Variants in MOCOS observed in about 807,000 individuals in gnomAD.
MOCOS encodes the protein human molybdenum cofactor sulfurase.
Under a neutral mutation model 83.6 loss-of-function variants are expected in MOCOS, and 86 were observed. The observed-to-expected ratio is 1.03, with a 90% CI of 0.86 to 1.23. The LOEUF (loss-of-function observed/expected upper bound fraction) is 1.23. Among genes scored for constraint, MOCOS ranks in the 50% most tolerant of loss-of-function variants. The pLI is 0.00. For missense variants in MOCOS, 1,120 were observed against 1,126.9 expected, an observed-to-expected ratio of 0.99 and a Z score of 0.09; for synonymous variants, 445 against 434.7, an observed-to-expected ratio of 1.02 and a Z score of -0.29.
chr18:36,243,086 G>T (rs767902292), intron 9 of MOCOS, among the ~76,000 whole-genome samples: 2 of 152,170 alleles, frequency 1.3e-5, no homozygotes, highest in Non-Finnish European at 2.9e-5. Context: ...GTCACTGTTG[G>T]TGTGTAGCAG....
intron 12 of MOCOS, 132 bp from the exon 13 acceptor site, chr18:36,259,905 T>A (rs1360764678): frequency 7.7e-7 from 1 of 1,298,974 alleles, no homozygotes; most frequent in African/African-American, 1.5e-5. Flanking sequence ...AAGTCTGTTT[T>A]GATTATCCAG....
At chr18:36,217,313 T>A (rs1009209406) in intron 8 of MOCOS, among the ~76,000 whole-genome samples, 1 of 152,228 alleles carries the variant, frequency 6.6e-6, no homozygotes, top group Non-Finnish European at 1.5e-5. Flanking sequence ...GTGAAACGTT[T>A]ATGGGAGCTC....
At chr18:36,194,868 G>A (rs2091381140) in intron 1 of MOCOS, among the ~76,000 whole-genome samples, 1 of 152,266 alleles carries the variant, frequency 6.6e-6, no homozygotes, top group Admixed American at 6.5e-5. Flanking sequence ...GTGCAGAGCA[G>A]TGTGGGAAAG....
In MOCOS at chr18:36,215,741, C is replaced by A; in HGVS notation, c.1561C>A (p.Pro521Thr). The A allele has an allele frequency of 6.2e-7, 1 of 1,614,212 alleles. No homozygotes were observed. The highest frequency in any genetic ancestry group is 8.5e-7 in the Non-Finnish European group (1 of 1,180,050). ...AGCAGACAGCCAGGCTGATGTTATA[C>A]CTGCTGTCATGGGCAGACGTAGCCT... is the stretch of plus-strand genomic sequence containing the variant. ...PSADSQADVIPAVMGRRSLSP... is the reference protein window; with the variant it reads ...PSADSQADVITAVMGRRSLSP... The change falls in exon 8 of 15, where the codon CCT becomes ACT. Residue 521 changes from proline to threonine, a missense_variant. Transcript: ENST00000261326.
At chr18:36,188,354 G>A (rs1489170355) in intron 1 of MOCOS, among the ~76,000 whole-genome samples, 1 of 152,246 alleles carries the variant, frequency 6.6e-6, no homozygotes, top group African/African-American at 2.4e-5. Flanking sequence ...CTGTGAATTA[G>A]ACAACACCAA....
At chr18:36,251,448 C>T (rs943789067) in intron 11 of MOCOS, among the ~76,000 whole-genome samples, 165 bp downstream of exon 11, 2 of 152,122 alleles carry the variant, frequency 1.3e-5, no homozygotes, top group African/African-American at 4.8e-5. Context: ...GGTCAGCAGG[C>T]GAAATGGGCT....
intron 9 of MOCOS, among the ~76,000 whole-genome samples, chr18:36,246,525 G>T (rs1175499803): frequency 6.6e-6 from 1 of 152,226 alleles, no homozygotes; most frequent in African/African-American, 2.4e-5. Flanking sequence ...TCTAGTGAAG[G>T]TGGCGGGGAG....
chr18:36,237,260 G>A (rs1186270771), intron 9 of MOCOS, among the ~76,000 whole-genome samples: 7 of 148,920 alleles, frequency 4.7e-5, no homozygotes, highest in African/African-American at 7.5e-5. Flanking sequence ...TATGATATTG[G>A]CTGTGGGTTT....
At position 36,195,182 on chromosome 18, in the gene MOCOS, T is replaced by C. The variant is rs2091382217; in HGVS notation, c.143-75T>C. ...TGGCCTGATGTTACGTCTGCATGCA[T>C]TAGATGACATTGGTTGGGCTTACAC... On this transcript the variant is annotated intron_variant, in intron 1 of 14. Coordinates refer to ENST00000261326, the MANE Select transcript of MOCOS (RefSeq NM_017947.4). 3.3e-6 allele frequency: 4 copies of C among 1,218,370 alleles called. No individual in the cohort carries two copies. In the South Asian group the frequency reaches 4.8e-5, roughly 15 times the overall value. The allele number at this position is 1,218,370 out of a possible 1,614,324, so 75.5% of individuals were successfully genotyped here.
At chr18:36,234,019 T>C (rs2091548621) in intron 9 of MOCOS, among the ~76,000 whole-genome samples, 1 of 152,208 alleles carries the variant, frequency 6.6e-6, no homozygotes, top group Admixed American at 6.6e-5. Flanking sequence ...TCTTTTGCTG[T>C]GCAGAAGCTT....
Position 36,248,974 on chromosome 18 carries a change from T to G in MOCOS, c.2013T>G (p.Ile671Met). ...PLEENSERTQ[I>M]RQSRVCADRV... ...AGGAAAATAGTGAACGGACTCAGAT[T>G]CGCCAAAGCAGGGTCTGTGCTGACA... The change falls in exon 10 of 15, where the codon ATT becomes ATG. Residue 671 changes from isoleucine (I) to methionine (M), a missense_variant. Physicochemically the swap from Ile to Met is conservative, Grantham distance 10. Coordinates refer to ENST00000261326, the MANE Select transcript of MOCOS (RefSeq NM_017947.4). The G allele has an allele frequency of 6.2e-7, 1 of 1,614,174 alleles. No individual in the cohort carries two copies. Among genetic ancestry groups the G allele is most frequent in the South Asian group, 1.1e-5 (1 of 91,072 alleles).
chr18:36,191,704 GA>G (rs1478899244), intron 1 of MOCOS, among the ~76,000 whole-genome samples: 3 of 152,054 alleles, frequency 2.0e-5, no homozygotes, highest in Admixed American at 2.0e-4. Context: ...AAAATCCTGG[GA>G]TTATAGATAT....
At chr18:36,266,880 C>T in intron 14 of MOCOS, 27 bp downstream of exon 14, 1 of 1,563,812 alleles carries the variant, frequency 6.4e-7, no homozygotes, top group East Asian at 2.2e-5. Context: ...AATATGACAC[C>T]TGGTTTCCAA....
intron 9 of MOCOS, among the ~76,000 whole-genome samples, chr18:36,244,174 A>T (rs2091594537): frequency 2.1e-5 from 3 of 145,618 alleles, no homozygotes; most frequent in Admixed American, 6.8e-5. Flanking sequence ...TTTGGGTTTG[A>T]TTTTTTCTTT....
Position 36,200,312 on chromosome 18 carries a change from C to T in MOCOS, c.929C>T (p.Ser310Leu), listed in dbSNP as rs77940522. The stretch of plus-strand genomic sequence containing the variant: ...GAAGACTTCTACATCCCGAGGCAGT[C>T]GGTAGCTCAGAGGTAACCTTGCCAC... ...AGEDFYIPRQ[S>L]VAQRFEDGTI... is the part of the protein sequence containing the mutation. The change falls in exon 4 of 15, where the codon TCG (serine) becomes TTG (leucine). Residue 310 changes from serine (S) to leucine (L), a missense_variant. Transcript: ENST00000261326. The T allele has an allele frequency of 4.4e-5, 71 of 1,613,942 alleles. No homozygotes were observed. The East Asian group carries it at 1.2e-3, about 27-fold the overall frequency.
chr18:36,231,008 T>G (rs976386687), intron 9 of MOCOS, among the ~76,000 whole-genome samples: 1 of 152,246 alleles, frequency 6.6e-6, no homozygotes, highest in African/African-American at 2.4e-5. Context: ...GACATTCTTC[T>G]TTATTACCAA....
At chr18:36,265,464 TG>T (rs2091678800) in intron 13 of MOCOS, among the ~76,000 whole-genome samples, 1 of 152,154 alleles carries the variant, frequency 6.6e-6, no homozygotes, top group South Asian at 2.1e-4. Flanking sequence ...ATTAGGTGAG[TG>T]TTTCTAATTT....
intron 4 of MOCOS, among the ~76,000 whole-genome samples, chr18:36,201,983 C>T (rs976992761): frequency 1.3e-5 from 2 of 152,146 alleles, no homozygotes; most frequent in Non-Finnish European, 2.9e-5. Context: ...TGGGGCAGCT[C>T]ACTGGGGGCC....
At chr18:36,215,028 T>C (rs2091470306) in intron 7 of MOCOS, among the ~76,000 whole-genome samples, 1 of 152,196 alleles carries the variant, frequency 6.6e-6, no homozygotes, top group Non-Finnish European at 1.5e-5. Context: ...GGGCTGGTCA[T>C]TTGCAGGGGC....
Sources: gnomAD v4.1 joint callset for allele counts (sites outside exome capture counted in the v4.1 genomes callset) on GRCh38, gnomAD v4.1.1 for gene constraint, MANE v1.5 for transcripts, NCBI Gene and HGNC (gene_info 2026-07-23, HGNC 2026-07-21) for gene names.